DGKB: variants seen among roughly 807,000 people sequenced by gnomAD.
The protein encoded by DGKB is diacylglycerol kinase beta, also known as 90 kDa diacylglycerol kinase.
DGKB carries 67 observed loss-of-function variants against 114.3 expected under a neutral mutation model. That is an observed-to-expected ratio of 0.59 (90% CI 0.48 to 0.72). The LOEUF is 0.72. Ranked by LOEUF, DGKB falls within the 30% of genes least tolerant of loss-of-function variation. The probability of loss-of-function intolerance (pLI) is 0.00; values close to 1 mark genes in which losing one functional copy is unlikely to be tolerated. For missense variants in DGKB, 907 were observed against 975.2 expected, an observed-to-expected ratio of 0.93 and a Z score of 0.93; for synonymous variants, 398 against 323.1, an observed-to-expected ratio of 1.23 and a Z score of -2.49.
Position 14,385,022 on chromosome 7 carries a change from G to A in DGKB, c.1836-39631C>T, listed in dbSNP as rs1047328419. 6.6e-5 allele frequency among the ~76,000 whole-genome samples: 10 copies of A among 151,906 alleles called. No individual in the cohort carries two copies. The East Asian group carries it at 1.2e-3, about 18-fold the overall frequency. On this transcript the variant is annotated intron_variant, in intron 21 of 25. Transcript: ENST00000402815. The stretch of plus-strand genomic sequence containing the variant: ...AAAGGTAAAAATAATTGTGGCATTC[G>A]GTAAAAATAATTGTGGCATTCTTTC...
At chr7:14,535,376 A>G (rs564810030) in intron 20 of DGKB, among the ~76,000 whole-genome samples, 192 of 105,400 alleles carry the variant, frequency 1.8e-3, no homozygotes, top group Admixed American at 3.6e-3. Flanking sequence ...CTCTTAAAAA[A>G]AGAAAAAAAA....
At chr7:14,926,973 C>T (rs903323209) in intron 1 of DGKB, among the ~76,000 whole-genome samples, 4 of 151,890 alleles carry the variant, frequency 2.6e-5, no homozygotes, top group African/African-American at 7.2e-5. Context: ...TCTGAGCTTT[C>T]GGTTTTGAAA....
intron 6 of DGKB, among the ~76,000 whole-genome samples, chr7:14,704,373 G>C (rs1825777861): frequency 6.6e-6 from 1 of 150,432 alleles, no homozygotes; most frequent in Middle Eastern, 3.2e-3. Flanking sequence ...GCGCGAACCA[G>C]GGAGGCGGAG....
intron 20 of DGKB, among the ~76,000 whole-genome samples, chr7:14,568,998 T>G (rs188385253): frequency 2.6e-4 from 40 of 152,348 alleles, no homozygotes; most frequent in Non-Finnish European, 4.7e-4. Flanking sequence ...GCATCCCATA[T>G]GCTTTAAATC....
chr7:14,158,024 C>T (rs1279186450), intron 25 of DGKB, among the ~76,000 whole-genome samples: 2 of 152,082 alleles, frequency 1.3e-5, no homozygotes, highest in Admixed American at 6.5e-5. Flanking sequence ...GGATTTGTTT[C>T]CCAGATTAGT....
intron 20 of DGKB, among the ~76,000 whole-genome samples, chr7:14,523,855 A>G (rs1790191571): frequency 6.6e-6 from 1 of 152,150 alleles, no homozygotes; most frequent in Non-Finnish European, 1.5e-5. Context: ...ATGTGATTTA[A>G]TGTTATTTAC....
chr7:14,811,065 A>G (rs1843374959), intron 2 of DGKB, among the ~76,000 whole-genome samples: 1 of 152,184 alleles, frequency 6.6e-6, no homozygotes, highest in African/African-American at 2.4e-5. Context: ...GTCCAAGCAG[A>G]GCACCATGAG....
chr7:14,759,191 C>A (rs753978530), intron 2 of DGKB, among the ~76,000 whole-genome samples: 2 of 152,180 alleles, frequency 1.3e-5, no homozygotes, highest in Non-Finnish European at 2.9e-5. Context: ...ACCCAAAGAA[C>A]TGGGATTACA....
At chr7:14,801,195 A>G (rs944026393) in intron 2 of DGKB, among the ~76,000 whole-genome samples, 2 of 152,194 alleles carry the variant, frequency 1.3e-5, no homozygotes, top group Admixed American at 6.5e-5. Context: ...GGAGAAGAGT[A>G]GACATCACTC....
At chr7:14,319,794 A>T (rs758717532) in intron 23 of DGKB, among the ~76,000 whole-genome samples, 28 of 152,202 alleles carry the variant, frequency 1.8e-4, no homozygotes, top group Non-Finnish European at 3.4e-4. Context: ...TGTTCTCCAA[A>T]ATAAAAGATA....
Position 14,584,462 on chromosome 7 carries a change from C to T in DGKB, c.1434-1325G>A, listed in dbSNP as rs1800419176. Among the ~76,000 whole-genome samples, 2 of 152,080 alleles carry T rather than the reference C, an allele frequency of 1.3e-5. 1 individual carries two copies. Among genetic ancestry groups the T allele is most frequent in the South Asian group, 4.1e-4 (2 of 4,830 alleles). Reference sequence around the variant, plus strand: ...ATTTCCTTGCAACCACAAAACACTACATATGAACAACTTTATGATATGTCT... The same window carrying T: ...ATTTCCTTGCAACCACAAAACACTATATATGAACAACTTTATGATATGTCT... On this transcript the variant is annotated intron_variant, in intron 17 of 25. Transcript: ENST00000402815.
intron 16 of DGKB, among the ~76,000 whole-genome samples, chr7:14,611,860 A>G (rs1170865921): frequency 6.6e-6 from 1 of 151,756 alleles, no homozygotes; most frequent in Non-Finnish European, 1.5e-5. Flanking sequence ...TTTCTCTTCA[A>G]ACTTCAATAT....
intron 20 of DGKB, among the ~76,000 whole-genome samples, chr7:14,536,194 G>A (rs1330955206): frequency 1.3e-5 from 2 of 151,992 alleles, no homozygotes; most frequent in African/African-American, 4.8e-5. Context: ...AGGACCAGAT[G>A]GCTTCACAGG....
intron 1 of DGKB, among the ~76,000 whole-genome samples, chr7:14,968,155 T>C (rs1787270614): frequency 6.6e-6 from 1 of 152,132 alleles, no homozygotes; most frequent in African/African-American, 2.4e-5. Flanking sequence ...AGTTTGATCT[T>C]TGTTCTTGTC....
At chr7:14,606,347 G>C (rs1487849880) in intron 17 of DGKB, among the ~76,000 whole-genome samples, 5 of 152,024 alleles carry the variant, frequency 3.3e-5, no homozygotes, top group Admixed American at 1.3e-4. Context: ...CCACAGGAAG[G>C]AGGTTCTGCA....
At chr7:14,430,964 C>T (rs1333591652) in intron 21 of DGKB, among the ~76,000 whole-genome samples, 1 of 152,068 alleles carries the variant, frequency 6.6e-6, no homozygotes, top group East Asian at 1.9e-4. Context: ...AAGAGCCTAC[C>T]TCAGAGAGGA....
intron 2 of DGKB, among the ~76,000 whole-genome samples, chr7:14,793,590 A>T (rs1397239119): frequency 6.6e-6 from 1 of 152,158 alleles, no homozygotes; most frequent in Non-Finnish European, 1.5e-5. Flanking sequence ...AGTTTTTATG[A>T]TGATAATCAA....
rs1473322374 is a variant in DGKB at position 14,148,843 on chromosome 7, G to A, written c.*288C>T. The A allele has an allele frequency of 2.5e-6, 1 of 407,360 alleles. No individual in the cohort carries two copies. The highest frequency in any genetic ancestry group is 2.1e-5 in the African/African-American group (1 of 47,224). 25.2% of individuals were successfully genotyped at this position (407,360 alleles called of 1,614,324 possible). On this transcript the variant is annotated 3_prime_UTR_variant, in exon 26 of 26. Transcript: ENST00000402815. ...CTCACAGGTTAGTAAAAGGAAATTG[G>A]GGAAGAGTTGGGTGGGAGATGTAAA...
rs146023442 is a variant in DGKB, at chr7:14,221,452, C to T, written c.2123-43301G>A. ...GATCATGTGATTTTTGGTTTTTATT[C>T]TATTGCTATAGTGCATTACATTGAT... is the stretch of plus-strand genomic sequence containing the variant. On this transcript the variant is annotated intron_variant, in intron 23 of 25. Coordinates refer to ENST00000402815, the MANE Select transcript of DGKB (RefSeq NM_001350709.2). 9.3e-3 allele frequency among the ~76,000 whole-genome samples: 1,412 copies of T among 151,176 alleles called. 24 individuals are homozygous for T. Among genetic ancestry groups the T allele is most frequent in the African/African-American group, 0.033 (1,361 of 41,394 alleles).
Sources: gnomAD v4.1 joint callset for allele counts (sites outside exome capture counted in the v4.1 genomes callset) on GRCh38, gnomAD v4.1.1 for gene constraint, MANE v1.5 for transcripts, NCBI Gene and HGNC (gene_info 2026-07-23, HGNC 2026-07-21) for gene names.